The following AFF3 variants were observed in gnomAD, a reference collection of about 807,000 sequenced individuals.
AFF3 encodes the protein AF4/FMR2 family member 3.
In AFF3, 32 loss-of-function variants were observed where a neutral mutation model predicts 129.7. The observed-to-expected ratio is 0.25, with a 90% CI of 0.19 to 0.33. The LOEUF (loss-of-function observed/expected upper bound fraction) is 0.33, where lower values mean the gene tolerates loss of function less well. Ranked by LOEUF, AFF3 falls within the 10% of genes least tolerant of loss-of-function variation. The pLI is 1.00. For synonymous variants in AFF3, 644 were observed against 635.4 expected, an observed-to-expected ratio of 1.01 and a Z score of -0.20; for missense variants, 1,373 against 1,592.0, an observed-to-expected ratio of 0.86 and a Z score of 2.34.
chr2:100,037,069 C>T (rs1330431844), intron 4 of AFF3, among the ~76,000 whole-genome samples: 1 of 151,876 alleles, frequency 6.6e-6, no homozygotes, highest in South Asian at 2.1e-4. Flanking sequence ...ATCAGTAATT[C>T]TATTGTTAAA....
chr2:99,574,110 A>G (rs562959670), intron 18 of AFF3, among the ~76,000 whole-genome samples: 9 of 152,330 alleles, frequency 5.9e-5, no homozygotes, highest in East Asian at 1.9e-4. Flanking sequence ...CTTTGCACTA[A>G]TAAGATCAGT....
chr2:99,966,006 T>C (rs1264045126), intron 7 of AFF3, among the ~76,000 whole-genome samples: 4 of 152,334 alleles, frequency 2.6e-5, no homozygotes, highest in East Asian at 1.9e-4. Flanking sequence ...TTTTGCATTT[T>C]TGTTTACTTT....
At chr2:99,552,842 C>T (rs182342569) in intron 24 of AFF3, among the ~76,000 whole-genome samples, 26 of 152,332 alleles carry the variant, frequency 1.7e-4, no homozygotes, top group African/African-American at 7.2e-5. Context: ...AAACTGGACA[C>T]GTGTATTTCT....
chr2:99,643,597 T>G (rs1354595611), intron 13 of AFF3, among the ~76,000 whole-genome samples: 2 of 152,172 alleles, frequency 1.3e-5, no homozygotes, highest in Non-Finnish European at 2.9e-5. Context: ...GGGTGACACA[T>G]TACCCAGAAA....
intron 8 of AFF3, among the ~76,000 whole-genome samples, chr2:99,783,823 G>GC (rs1192122095): frequency 2.0e-5 from 3 of 152,154 alleles, no homozygotes; most frequent in African/African-American, 7.2e-5. Context: ...ACATGACAGG[G>GC]CCCCCCTGGA....
intron 4 of AFF3, among the ~76,000 whole-genome samples, chr2:100,010,954 T>C (rs1682470611): frequency 6.6e-6 from 1 of 152,180 alleles, no homozygotes. Flanking sequence ...TTCTAGCTTT[T>C]GGAACAATAT....
chr2:99,891,916 G>A (rs189769184), intron 7 of AFF3, among the ~76,000 whole-genome samples: 14 of 151,860 alleles, frequency 9.2e-5, no homozygotes, highest in Middle Eastern at 6.8e-3. Flanking sequence ...TCCGCCTCCC[G>A]GGTTCACGCC....
At chr2:99,672,740 T>G (rs911017821) in intron 11 of AFF3, 151 bp from the exon 12 acceptor site, 12 of 747,478 alleles carry the variant, frequency 1.6e-5, no homozygotes, top group Non-Finnish European at 2.6e-5. Context: ...TTCCTTCTTA[T>G]GCACTTTTCC....
intron 13 of AFF3, among the ~76,000 whole-genome samples, chr2:99,620,104 T>C (rs922845883): frequency 6.6e-6 from 1 of 152,084 alleles, no homozygotes; most frequent in Non-Finnish European, 1.5e-5. Context: ...ACAAACCAGA[T>C]TAGCTAGACA....
At chr2:99,606,688 C>T (rs751902669) in intron 13 of AFF3, among the ~76,000 whole-genome samples, 1 of 151,688 alleles carries the variant, frequency 6.6e-6, no homozygotes, top group Admixed American at 6.6e-5. Context: ...GAAGCCGAGG[C>T]GGGAGGATCA....
At chr2:99,628,553 C>CT (rs566672694) in intron 13 of AFF3, among the ~76,000 whole-genome samples, 82 of 145,850 alleles carry the variant, frequency 5.6e-4, no homozygotes, top group South Asian at 4.8e-3. Flanking sequence ...CCCTTTCTTT[C>CT]TTTTTTTTTT....
chr2:100,110,164 A>T (rs112783447), intron 2 of AFF3: 8 of 152,136 alleles, frequency 5.3e-5, no homozygotes, highest in Non-Finnish European at 8.8e-5. Flanking sequence ...CAGTTCTGAA[A>T]TGTTAGAGGT....
chr2:99,883,296 C>T (rs1692862299), intron 7 of AFF3, among the ~76,000 whole-genome samples: 2 of 152,138 alleles, frequency 1.3e-5, no homozygotes, highest in African/African-American at 2.4e-5. Context: ...ATAAGCTACC[C>T]CCTAAAGGTT....
At chr2:99,594,438 G>C in intron 14 of AFF3, 149 bp from the exon 15 acceptor site, 1 of 1,199,782 alleles carries the variant, frequency 8.3e-7, no homozygotes, top group Non-Finnish European at 1.1e-6. Flanking sequence ...GAAGCATTAA[G>C]CGTGTGTGGC....
At chr2:99,558,618 T>C (rs2104546001) in intron 22 of AFF3, among the ~76,000 whole-genome samples, 2 of 152,004 alleles carry the variant, frequency 1.3e-5, no homozygotes, top group Admixed American at 1.3e-4. Context: ...TGAAACTCTG[T>C]CTCCAAAAAT....
In AFF3 at chr2:99,551,292, C is replaced by G. The variant is rs115803997; in HGVS notation, c.*182G>C. 13 of 765,388 alleles carry G rather than the reference C, an allele frequency of 1.7e-5. No homozygotes were observed. The African/African-American group carries it at 2.3e-4, about 13-fold the overall frequency. The allele number at this position is 765,388 out of a possible 1,614,324, so 47.4% of individuals were successfully genotyped here. A position where few individuals can be genotyped will look rare whatever the true frequency, so the allele number is the denominator to read the frequency against. On this transcript the variant is annotated 3_prime_UTR_variant, in exon 25 of 25. Coordinates refer to ENST00000672756, the MANE Select transcript of AFF3 (RefSeq NM_001386135.1). ...TGTGTATCTTACACACATACACAGG[C>G]GGCTTCTTATATACCCACACATACA...
At position 99,716,820 on chromosome 2, in the gene AFF3, C is replaced by T. The variant is rs1022316605; in HGVS notation, c.1091+10257G>A. Reference sequence around the variant, plus strand: ...ATCGTTTGAACCCAGGAGGCAGAGGCTGCAGTGAGCTGAGATCACACCACT... The same window carrying T: ...ATCGTTTGAACCCAGGAGGCAGAGGTTGCAGTGAGCTGAGATCACACCACT... On this transcript the variant is annotated intron_variant, in intron 11 of 24. Transcript: ENST00000672756. 3.3e-5 allele frequency among the ~76,000 whole-genome samples: 5 copies of T among 151,806 alleles called. No individual in the cohort carries two copies. The East Asian group carries it at 9.7e-4, about 30-fold the overall frequency.
chr2:99,563,749 G>A (rs1675702739), intron 20 of AFF3, among the ~76,000 whole-genome samples: 1 of 142,928 alleles, frequency 7.0e-6, no homozygotes, highest in Non-Finnish European at 1.5e-5. Context: ...GGCAGAGGTT[G>A]TGGTGAGCTG....
chr2:100,122,498 G>A (rs1454232784), intron 2 of AFF3, among the ~76,000 whole-genome samples: 1 of 152,190 alleles, frequency 6.6e-6, no homozygotes, highest in African/African-American at 2.4e-5. Flanking sequence ...GATGTGCAGG[G>A]CAAATTAAGA....
Sources: gnomAD v4.1 joint callset for allele counts (sites outside exome capture counted in the v4.1 genomes callset) on GRCh38, gnomAD v4.1.1 for gene constraint, MANE v1.5 for transcripts, NCBI Gene and HGNC (gene_info 2026-07-23, HGNC 2026-07-21) for gene names.